The following AKR1C2 variants were observed in gnomAD, a reference collection of about 807,000 sequenced individuals.
AKR1C2 encodes 3-alpha-HSD3.
In AKR1C2, 27 loss-of-function variants were observed where a neutral mutation model predicts 39.8. The ratio of observed to expected loss-of-function variants is 0.68; its 90% CI spans 0.50 to 0.93. AKR1C2 has a LOEUF of 0.93. Among genes scored for constraint, AKR1C2 ranks in the 40% least tolerant of loss-of-function variants. The probability of loss-of-function intolerance (pLI) is 0.00; values close to 1 mark genes in which losing one functional copy is unlikely to be tolerated. For missense variants in AKR1C2, 263 were observed against 365.1 expected, an observed-to-expected ratio of 0.72 and a Z score of 2.28; for synonymous variants, 114 against 137.9, an observed-to-expected ratio of 0.83 and a Z score of 1.22.
intron 1 of AKR1C2, among the ~76,000 whole-genome samples, chr10:5,003,495 G>C (rs1226470769): frequency 1.3e-5 from 2 of 151,248 alleles, no homozygotes; most frequent in East Asian, 3.9e-4. Context: ...ATCTTCAAGA[G>C]AGGGAGCAGG....
intron 7 of AKR1C2, among the ~76,000 whole-genome samples, chr10:4,992,741 A>T (rs1187866907): frequency 6.6e-6 from 1 of 151,678 alleles, no homozygotes; most frequent in Non-Finnish European, 1.5e-5. Flanking sequence ...GCCTGATTTC[A>T]GGAGTTAGAG....
chr10:4,990,421 A>T (rs1836796481), intron 8 of AKR1C2, among the ~76,000 whole-genome samples: 1 of 152,220 alleles, frequency 6.6e-6, no homozygotes, highest in Admixed American at 6.5e-5. Flanking sequence ...AATAAGGAAG[A>T]TATATGCTCA....
chr10:5,003,991 G>T, upstream of AKR1C2: 1 of 582,790 alleles, frequency 1.7e-6, no homozygotes, highest in Non-Finnish European at 3.1e-6. Context: ...GATAAAAATT[G>T]CATCCAGTTC....
intron 5 of AKR1C2, among the ~76,000 whole-genome samples, chr10:4,997,073 G>A (rs571642037): frequency 1.3e-3 from 196 of 152,306 alleles, no homozygotes; most frequent in African/African-American, 4.5e-3. Flanking sequence ...ACCACTGTTA[G>A]CTTAACCAAG....
intron 7 of AKR1C2, among the ~76,000 whole-genome samples, chr10:4,994,540 A>C (rs2131679122): frequency 6.6e-6 from 1 of 152,298 alleles, no homozygotes; most frequent in African/African-American, 2.4e-5. Context: ...AAGGCTTTGC[A>C]CATGTCCATT....
In AKR1C2 at chr10:4,995,801, A is replaced by G. The variant is rs1837013387; in HGVS notation, c.635T>C (p.Val212Ala). 1 of 1,612,554 alleles carries G rather than the reference A, an allele frequency of 6.2e-7. No individual in the cohort carries two copies. The change falls in exon 6 of 9, where the codon GTT (valine) becomes GCT (alanine). Residue 212 changes from valine to alanine, a missense_variant. By Grantham distance (64) the Val-to-Ala change is moderately conservative. Around this residue, in one of 3 missense-constraint regions of AKR1C2, gnomAD observed 247 missense variants for 267.9 expected, o/e 0.92. Coordinates refer to ENST00000380753, the MANE Select transcript of AKR1C2 (RefSeq NM_001393392.1). ...TCCCAGAGCACTATAGGCAACCAGAACAATGTCTTTTGACTTGCAGAAATC... is the reference window on the plus strand; with the variant it reads ...TCCCAGAGCACTATAGGCAACCAGAGCAATGTCTTTTGACTTGCAGAAATC... The part of the protein sequence containing the change: ...LLDFCKSKDI[V>A]LVAYSALGSH...
At chr10:5,005,359 A>G (rs1296277374), upstream of AKR1C2, among the ~76,000 whole-genome samples, 1 of 152,132 alleles carries the variant, frequency 6.6e-6, no homozygotes, top group Non-Finnish European at 1.5e-5. Context: ...AAAGATGTTT[A>G]TTTTTTCAAA....
intron 1 of AKR1C2, among the ~76,000 whole-genome samples, chr10:5,017,306 T>C (rs1312953913): frequency 6.6e-6 from 1 of 152,156 alleles, no homozygotes; most frequent in Admixed American, 6.5e-5. Flanking sequence ...TAAATATGAG[T>C]TCCAGTTTCA....
chr10:5,013,592 A>C (rs189156675), intron 1 of AKR1C2: 73 of 168,450 alleles, frequency 4.3e-4, no homozygotes, highest in Admixed American at 1.2e-3. Flanking sequence ...GGACCTGGTT[A>C]AACCTGCATC....
chr10:5,000,777 G>A, intron 2 of AKR1C2, 111 bp from the exon 3 acceptor site: 1 of 891,188 alleles, frequency 1.1e-6, no homozygotes, highest in Non-Finnish European at 1.8e-6. Flanking sequence ...AATGACCACA[G>A]GCAAAATTAT....
At chr10:4,992,809 G>T (rs1836886381) in intron 7 of AKR1C2, among the ~76,000 whole-genome samples, 1 of 152,116 alleles carries the variant, frequency 6.6e-6, no homozygotes, top group Non-Finnish European at 1.5e-5. Context: ...AATTAGCTGG[G>T]CATGGCAGCA....
intron 8 of AKR1C2, among the ~76,000 whole-genome samples, chr10:4,990,575 G>C (rs1249562294): frequency 6.6e-6 from 1 of 151,844 alleles, no homozygotes; most frequent in Non-Finnish European, 1.5e-5. Flanking sequence ...TTATGTTATA[G>C]GGCCCAATAT....
At chr10:4,994,137 TATA>T (rs201911689) in intron 7 of AKR1C2, among the ~76,000 whole-genome samples, 1,654 of 151,900 alleles carry the variant, frequency 0.011, 9 homozygotes, top group Non-Finnish European at 0.018. Flanking sequence ...ACATAGGTTT[TATA>T]ATATATATCA....
At chr10:4,996,547 A>AT (rs371538926) in intron 5 of AKR1C2, among the ~76,000 whole-genome samples, 3 of 144,548 alleles carry the variant, frequency 2.1e-5, no homozygotes, top group African/African-American at 5.0e-5. Flanking sequence ...ATATATATAT[A>AT]ATATATATAT....
At chr10:5,016,128 C>G (rs1327958675) in intron 1 of AKR1C2, among the ~76,000 whole-genome samples, 1 of 152,100 alleles carries the variant, frequency 6.6e-6, no homozygotes, top group East Asian at 1.9e-4. Context: ...GACACAGAGC[C>G]AAACCATATC....
intron 2 of AKR1C2, 144 bp downstream of exon 2, chr10:5,001,370 T>C (rs1400749450): frequency 7.1e-7 from 1 of 1,402,988 alleles, no homozygotes; most frequent in Non-Finnish European, 9.5e-7. Flanking sequence ...GCCTTTGATA[T>C]TAGTTTTAAT....
chr10:5,001,606 C>A lies in AKR1C2; in HGVS notation c.160G>T (p.Val54Phe). The change falls in exon 2 of 9, where the codon GTT becomes TTT. Residue 54 changes from valine to phenylalanine, a missense_variant. Physicochemically the swap from Val to Phe is conservative, Grantham distance 50. This residue lies in a region of AKR1C2 where 247 missense variants were observed against 267.9 expected (regional missense o/e 0.92). Coordinates refer to ENST00000380753, the MANE Select transcript of AKR1C2 (RefSeq NM_001393392.1). ...AGFHHIDSAH[V>F]YNNEEQVGLA... The stretch of plus-strand genomic sequence containing the variant: ...CCAACCTGCTCCTCATTATTGTAAA[C>A]ATGTGCAGAATCAATATGGTGGAAC... 6.2e-7 allele frequency: 1 copy of A among 1,614,024 alleles called. No individual in the cohort carries two copies. Among genetic ancestry groups the A allele is most frequent in the South Asian group, 1.1e-5 (1 of 91,070 alleles).
At chr10:5,012,289 C>A (rs559059116) in intron 1 of AKR1C2, among the ~76,000 whole-genome samples, 1 of 151,752 alleles carries the variant, frequency 6.6e-6, no homozygotes, top group Non-Finnish European at 1.5e-5. Context: ...AATACTGCTC[C>A]CTCCCCCTGC....
intron 3 of AKR1C2, 108 bp from the exon 4 acceptor site, chr10:4,999,385 C>A (rs113465089): frequency 1.9e-6 from 3 of 1,607,850 alleles, no homozygotes; most frequent in Non-Finnish European, 2.5e-6. Flanking sequence ...GTAGGTGATG[C>A]AGCGCTCCAG....
Sources: allele counts gnomAD v4.1 joint callset (sites outside exome capture counted in the v4.1 genomes callset), GRCh38; gene constraint gnomAD v4.1.1; regional missense constraint gnomAD v4.1.1; transcripts MANE v1.5; gene names NCBI Gene and HGNC (gene_info 2026-07-23, HGNC 2026-07-21).